Variants in ACYP2 observed in about 807,000 individuals in gnomAD.
The protein encoded by ACYP2 is acylphosphatase 2.
ACYP2 carries 12 observed loss-of-function variants against 11.2 expected under a neutral mutation model. The observed-to-expected ratio is 1.08, with a 90% CI of 0.69 to 1.74. The LOEUF is 1.74. Ranked by LOEUF, ACYP2 falls within the 40% of genes most tolerant of loss-of-function variation. The pLI, the probability that ACYP2 is intolerant of heterozygous loss-of-function variation, is 0.00. For synonymous variants in ACYP2, 43 were observed against 32.2 expected (o/e 1.33, Z -1.13); for missense variants, 134 against 101.9 (o/e 1.31, Z -1.35).
chr2:54,056,846 A>C (rs980470657), intron 3 of ACYP2, among the ~76,000 whole-genome samples: 1 of 152,198 alleles, frequency 6.6e-6, no homozygotes. Context: ...TAAATCTAAA[A>C]TCAGAAAAAA....
chr2:54,104,190 TGATG>T (rs2103707078), intron 4 of ACYP2, among the ~76,000 whole-genome samples: 1 of 152,334 alleles, frequency 6.6e-6, no homozygotes, highest in African/African-American at 2.4e-5. Context: ...AGATATATAC[TGATG>T]CTGCCTGGTG....
intron 2 of ACYP2, among the ~76,000 whole-genome samples, chr2:54,001,888 G>T (rs1672822097): frequency 6.6e-6 from 1 of 152,140 alleles, no homozygotes; most frequent in African/African-American, 2.4e-5. Context: ...AAAATTGCGT[G>T]AAAAGTACAG....
intron 4 of ACYP2, among the ~76,000 whole-genome samples, chr2:54,124,955 T>C (rs1361845387): frequency 1.3e-5 from 2 of 152,212 alleles, no homozygotes; most frequent in African/African-American, 4.8e-5. Flanking sequence ...GGTTTCACCA[T>C]GTTGCCCAGG....
chr2:54,063,075 C>G (rs1676555257), intron 4 of ACYP2, among the ~76,000 whole-genome samples: 1 of 152,028 alleles, frequency 6.6e-6, no homozygotes. Context: ...CACAGATAGA[C>G]TCAATCTCTG....
At chr2:54,113,308 C>T (rs1364726808) in intron 4 of ACYP2, among the ~76,000 whole-genome samples, 2 of 150,752 alleles carry the variant, frequency 1.3e-5, no homozygotes, top group Admixed American at 6.6e-5. Context: ...GGCCCCATCT[C>T]GGTTCACTGC....
At chr2:54,020,340 A>G (rs1673938084) in intron 2 of ACYP2, among the ~76,000 whole-genome samples, 1 of 152,236 alleles carries the variant, frequency 6.6e-6, no homozygotes, top group Non-Finnish European at 1.5e-5. Flanking sequence ...TATCAGTACA[A>G]TACTTTCTTT....
chr2:54,248,228 A>G (rs1245033113), intron 6 of ACYP2, among the ~76,000 whole-genome samples: 1 of 152,234 alleles, frequency 6.6e-6, no homozygotes, highest in African/African-American at 2.4e-5. Context: ...TATTTGGGCA[A>G]CCATGTCCAT....
chr2:54,058,238 G>A (rs189961210), intron 4 of ACYP2, among the ~76,000 whole-genome samples: 1 of 149,530 alleles, frequency 6.7e-6, no homozygotes, highest in Non-Finnish European at 1.5e-5. Flanking sequence ...TTGGGGGCAG[G>A]GTTATCAGTT....
At chr2:54,081,553 T>C (rs1471609055) in intron 4 of ACYP2, among the ~76,000 whole-genome samples, 1 of 152,168 alleles carries the variant, frequency 6.6e-6, no homozygotes, top group African/African-American at 2.4e-5. Context: ...ATAGACCAGG[T>C]GTGGAGTAGG....
chr2:54,109,062 A>G (rs1679320100), intron 4 of ACYP2, among the ~76,000 whole-genome samples: 1 of 152,180 alleles, frequency 6.6e-6, no homozygotes, highest in South Asian at 2.1e-4. Context: ...GTTTGGTCCT[A>G]TCTATGCCTG....
At chr2:54,074,077 T>C (rs1425292381) in intron 4 of ACYP2, among the ~76,000 whole-genome samples, 1 of 152,186 alleles carries the variant, frequency 6.6e-6, no homozygotes, top group Non-Finnish European at 1.5e-5. Flanking sequence ...CAGTGACTCA[T>C]ACCTGTAATC....
intron 6 of ACYP2, among the ~76,000 whole-genome samples, chr2:54,178,235 C>G (rs1683551496): frequency 6.6e-6 from 1 of 152,106 alleles, no homozygotes; most frequent in Non-Finnish European, 1.5e-5. Flanking sequence ...GTTATATATA[C>G]ACTTTTTATA....
chr2:54,135,593 G>T (rs1681178263), intron 5 of ACYP2, 124 bp downstream of exon 2: 2 of 665,552 alleles, frequency 3.0e-6, no homozygotes, highest in Non-Finnish European at 4.9e-6. Context: ...GACAGCAAAT[G>T]AAGAAATATA....
intron 2 of ACYP2, among the ~76,000 whole-genome samples, chr2:54,019,363 A>C (rs1438758675): frequency 6.6e-6 from 1 of 150,792 alleles, no homozygotes; most frequent in East Asian, 2.0e-4. Context: ...TGAGCCACTG[A>C]GCTTGGCCTT....
At chr2:54,255,858 T>C in intron 6 of ACYP2, 3 of 1,614,018 alleles carry the variant, frequency 1.9e-6, no homozygotes, top group Non-Finnish European at 2.5e-6. Flanking sequence ...AGGCCGCTTC[T>C]AGGCCCTCCG....
chr2:54,203,642 G>A (rs1684946546), intron 6 of ACYP2, among the ~76,000 whole-genome samples: 1 of 152,218 alleles, frequency 6.6e-6, no homozygotes, highest in African/African-American at 2.4e-5. Flanking sequence ...TTACTAAATT[G>A]TTGAGTGGTT....
intron 2 of ACYP2, among the ~76,000 whole-genome samples, chr2:53,990,686 A>G (rs1013281848): frequency 5.9e-5 from 9 of 151,722 alleles, no homozygotes; most frequent in African/African-American, 2.2e-4. Context: ...AAGAAAAAGA[A>G]TCCTCACTTT....
At chr2:54,163,531 T>C (rs879495246) in intron 6 of ACYP2, among the ~76,000 whole-genome samples, 9 of 152,138 alleles carry the variant, frequency 5.9e-5, no homozygotes, top group Non-Finnish European at 7.4e-5. Flanking sequence ...TCAGACAAAA[T>C]AATTTCAGAC....
At chr2:54,145,144 A>AT (rs1478545182) in intron 6 of ACYP2, among the ~76,000 whole-genome samples, 1 of 152,082 alleles carries the variant, frequency 6.6e-6, no homozygotes, top group Non-Finnish European at 1.5e-5. Flanking sequence ...TGTTTGTAAA[A>AT]TTCCCAGTTA....
Sources: gnomAD v4.1 joint callset for allele counts (sites outside exome capture counted in the v4.1 genomes callset) on GRCh38, gnomAD v4.1.1 for gene constraint, MANE v1.5 for transcripts, NCBI Gene and HGNC (gene_info 2026-07-23, HGNC 2026-07-21) for gene names.